The following TTC3 variants were observed in gnomAD, a reference collection of about 807,000 sequenced individuals.
TTC3 encodes E3 ubiquitin-protein ligase TTC3.
A neutral mutation model predicts 249.6 loss-of-function variants in TTC3; 180 were observed. The observed-to-expected ratio is 0.72, with a 90% CI of 0.64 to 0.82. TTC3 has a LOEUF of 0.82. Among genes scored for constraint, TTC3 ranks in the 40% least tolerant of loss-of-function variants. TTC3 has a pLI of 0.00. For synonymous variants in TTC3, 717 were observed against 805.0 expected (o/e 0.89, Z 1.85); for missense variants, 2,061 against 2,398.4 (o/e 0.86, Z 2.94).
chr21:37,110,410 T>C (rs1165095726), intron 11 of TTC3, among the ~76,000 whole-genome samples: 1 of 152,042 alleles, frequency 6.6e-6, no homozygotes, highest in East Asian at 1.9e-4. Flanking sequence ...ATGTGACAAA[T>C]GCACAAACCT....
At chr21:37,188,713 A>C in intron 39 of TTC3, 118 bp downstream of exon 39, 1 of 607,832 alleles carries the variant, frequency 1.6e-6, no homozygotes, top group South Asian at 3.5e-5. Flanking sequence ...TATAATTGAT[A>C]CATGTTCAAT....
At chr21:37,107,130 TAA>T (rs757550926) in intron 10 of TTC3, among the ~76,000 whole-genome samples, 154 of 151,698 alleles carry the variant, frequency 1.0e-3, no homozygotes, top group Non-Finnish European at 9.1e-4. Context: ...TCTGGTAGTA[TAA>T]GTTATCTAGT....
intron 35 of TTC3, among the ~76,000 whole-genome samples, chr21:37,177,756 G>C (rs954915165): frequency 6.6e-6 from 1 of 152,140 alleles, no homozygotes; most frequent in African/African-American, 2.4e-5. Context: ...ACAGGCCTTT[G>C]TTAATGCAGT....
intron 11 of TTC3, among the ~76,000 whole-genome samples, chr21:37,116,637 C>T (rs964482969): frequency 2.6e-5 from 4 of 151,724 alleles, no homozygotes; most frequent in African/African-American, 7.2e-5. Context: ...TGTGAAACCC[C>T]GTCTCTACAA....
chr21:37,183,608 C>T (rs532699803), intron 36 of TTC3, among the ~76,000 whole-genome samples: 5 of 152,258 alleles, frequency 3.3e-5, no homozygotes, highest in African/African-American at 4.8e-5. Flanking sequence ...CAGGAGTCCT[C>T]ATGTGGCTGA....
intron 35 of TTC3, among the ~76,000 whole-genome samples, chr21:37,176,790 A>G (rs1347306398): frequency 6.6e-6 from 1 of 152,182 alleles, no homozygotes; most frequent in African/African-American, 2.4e-5. Context: ...GCTTTCCCCA[A>G]GCCACACCAG....
At chr21:37,157,781 A>G (rs753498063) in intron 28 of TTC3, among the ~76,000 whole-genome samples, 3 of 152,208 alleles carry the variant, frequency 2.0e-5, no homozygotes, top group African/African-American at 7.2e-5. Flanking sequence ...TAATTTCCTC[A>G]CATTAAAATG....
At chr21:37,106,670 AG>A (rs377318464) in intron 10 of TTC3, among the ~76,000 whole-genome samples, 10 of 152,302 alleles carry the variant, frequency 6.6e-5, no homozygotes, top group African/African-American at 2.4e-4. Flanking sequence ...GAATTGCTTG[AG>A]CCCAGGAGTT....
At chr21:37,192,174 A>G in exon 41 of TTC3, 2 of 1,610,608 alleles carry the variant, frequency 1.2e-6, no homozygotes, top group Non-Finnish European at 1.7e-6. Flanking sequence ...AACTTTCTAA[A>G]GTGCAGATTT....
chr21:37,120,897 A>C (rs534376744), intron 11 of TTC3, among the ~76,000 whole-genome samples: 1 of 152,186 alleles, frequency 6.6e-6, no homozygotes, highest in Non-Finnish European at 1.5e-5. Context: ...AAGAGGAAAG[A>C]GCTTTGGACC....
chr21:37,103,174 G>T (rs575251367), intron 10 of TTC3, among the ~76,000 whole-genome samples: 2 of 152,230 alleles, frequency 1.3e-5, no homozygotes, highest in South Asian at 4.1e-4. Context: ...AGGGGAGAGG[G>T]AATAACTGTT....
intron 16 of TTC3, among the ~76,000 whole-genome samples, 190 bp downstream of exon 16, chr21:37,129,253 G>C (rs780429361): frequency 6.6e-6 from 1 of 152,120 alleles, no homozygotes; most frequent in African/African-American, 2.4e-5. Flanking sequence ...ATTAATCCTG[G>C]ATATTAATAT....
chr21:37,073,604 C>A, intron 1 of TTC3, 131 bp downstream of exon 1: 1 of 638,786 alleles, frequency 1.6e-6, no homozygotes, highest in Non-Finnish European at 1.9e-6. Flanking sequence ...CCCCCTTGGT[C>A]TGGTGCCCCT....
At chr21:37,087,937 T>A in intron 3 of TTC3, 62 bp downstream of exon 3, 11 of 1,299,230 alleles carry the variant, frequency 8.5e-6, no homozygotes, top group Non-Finnish European at 1.1e-5. Context: ...GGTCCATCCA[T>A]CCTGTCATAG....
intron 39 of TTC3, among the ~76,000 whole-genome samples, chr21:37,190,655 C>T (rs763296985): frequency 2.0e-5 from 3 of 152,116 alleles, no homozygotes; most frequent in African/African-American, 7.2e-5. Context: ...TTCCAATAAA[C>T]GGTAGAGTAT....
chr21:37,077,126 A>G (rs571766565), intron 1 of TTC3, among the ~76,000 whole-genome samples: 4 of 151,576 alleles, frequency 2.6e-5, no homozygotes, highest in South Asian at 2.1e-4. Flanking sequence ...ATCAGGGTAT[A>G]TTTTTTGGCC....
intron 35 of TTC3, among the ~76,000 whole-genome samples, chr21:37,174,504 TAGAA>T (rs67873676): frequency 0.53 from 80,404 of 151,548 alleles, 21,905 homozygotes; most frequent in African/African-American, 0.64. Flanking sequence ...TCTTAAAACA[TAGAA>T]AGAAATGAGT....
chr21:37,138,709 C>T, exon 19 of TTC3: 1 of 1,603,696 alleles, frequency 6.2e-7, no homozygotes, highest in Non-Finnish European at 8.5e-7. Context: ...AATAGGACAG[C>T]CTGAGGTAAG....
chr21:37,172,700 A>C, exon 35 of TTC3: 4 of 1,614,106 alleles, frequency 2.5e-6, no homozygotes, highest in Non-Finnish European at 3.4e-6. Context: ...AGAAGAGACC[A>C]GGGACCTGGA....
Sources: gnomAD v4.1 joint callset for allele counts (sites outside exome capture counted in the v4.1 genomes callset) on GRCh38, gnomAD v4.1.1 for gene constraint, MANE v1.5 for transcripts, NCBI Gene and HGNC (gene_info 2026-07-23, HGNC 2026-07-21) for gene names.